Variants in TMEM51 observed in about 807,000 individuals in gnomAD.
TMEM51 encodes chromosome 1 open reading frame 72.
Under a neutral mutation model 13.6 loss-of-function variants are expected in TMEM51, and 8 were observed. That is an observed-to-expected ratio of 0.59 (90% confidence interval 0.35 to 1.07). The LOEUF (loss-of-function observed/expected upper bound fraction) is 1.07, where lower values mean the gene tolerates loss of function less well. Among genes scored for constraint, TMEM51 ranks in the 50% least tolerant of loss-of-function variants. TMEM51 has a pLI of 0.02. For missense variants in TMEM51, 279 were observed against 330.7 expected, an observed-to-expected ratio of 0.84 and a Z score of 1.21; for synonymous variants, 147 against 144.4, an observed-to-expected ratio of 1.02 and a Z score of -0.13.
chr1:15,159,445 C>T (rs1159838118), intron 1 of TMEM51, among the ~76,000 whole-genome samples: 1 of 152,250 alleles, frequency 6.6e-6, no homozygotes, highest in Non-Finnish European at 1.5e-5. Flanking sequence ...AAGCCTGTCG[C>T]TCTCGTGCCA....
chr1:15,181,527 C>T (rs998547723), intron 1 of TMEM51, among the ~76,000 whole-genome samples: 40 of 152,202 alleles, frequency 2.6e-4, no homozygotes, highest in Non-Finnish European at 5.4e-4. Flanking sequence ...TCCCAGGCTT[C>T]GGTTCCTAAC....
At chr1:15,199,492 C>T (rs1362021355) in intron 1 of TMEM51, among the ~76,000 whole-genome samples, 1 of 152,146 alleles carries the variant, frequency 6.6e-6, no homozygotes, top group Admixed American at 6.5e-5. Flanking sequence ...GGGCTAGCCA[C>T]GGGTTGGGGG....
At chr1:15,164,373 G>C (rs1642909842) in intron 1 of TMEM51, 1 of 455,976 alleles carries the variant, frequency 2.2e-6, no homozygotes, top group African/African-American at 2.0e-5. Flanking sequence ...GAAGAGTACT[G>C]GTTAGTGTTT....
At chr1:15,183,345 G>A (rs1412907420) in intron 1 of TMEM51, among the ~76,000 whole-genome samples, 1 of 152,174 alleles carries the variant, frequency 6.6e-6, no homozygotes, top group East Asian at 1.9e-4. Context: ...GCAGTATCGT[G>A]CAGAGGTAAA....
chr1:15,215,244 G>C lies in TMEM51; in HGVS notation c.157G>C (p.Val53Leu). ...AGCTCAGGGCAGCAACAAGACCGAG[G>C]TGGGTGGCGGCATCCTCAAGAGCAA... is the stretch of plus-strand genomic sequence containing the variant. ...PTAQGSNKTE[V>L]GGGILKSKTF... The change falls in exon 3 of 4, where the codon GTG becomes CTG. Residue 53 changes from valine (V) to leucine (L), a missense_variant. Coordinates refer to ENST00000376008, the MANE Select transcript of TMEM51 (RefSeq NM_001136218.2). 1 of 1,614,256 alleles carries C rather than the reference G, an allele frequency of 6.2e-7. No individual in the cohort carries two copies. The highest frequency in any genetic ancestry group is 1.1e-5 in the South Asian group (1 of 91,090).
At chr1:15,174,037 C>T (rs1443164388) in intron 1 of TMEM51, among the ~76,000 whole-genome samples, 1 of 152,172 alleles carries the variant, frequency 6.6e-6, no homozygotes, top group Non-Finnish European at 1.5e-5. Flanking sequence ...ATTTCCACAG[C>T]AAGCGAAAGC....
At chr1:15,199,926 G>A (rs1241494310) in intron 1 of TMEM51, among the ~76,000 whole-genome samples, 1 of 152,142 alleles carries the variant, frequency 6.6e-6, no homozygotes, top group East Asian at 1.9e-4. Flanking sequence ...GAGATGATGT[G>A]TGAAACATAT....
At chr1:15,199,864 CTG>C (rs1644120314) in intron 1 of TMEM51, among the ~76,000 whole-genome samples, 1 of 152,116 alleles carries the variant, frequency 6.6e-6, no homozygotes, top group Non-Finnish European at 1.5e-5. Flanking sequence ...CTGTTGTGCC[CTG>C]ACTTCTCTGC....
intron 1 of TMEM51, among the ~76,000 whole-genome samples, chr1:15,188,887 G>T (rs1163413355): frequency 1.3e-5 from 2 of 152,182 alleles, no homozygotes; most frequent in African/African-American, 2.4e-5. Context: ...TTACAAAGAT[G>T]ATGTTTGTTG....
At chr1:15,154,070 C>T (rs1642496434) in intron 1 of TMEM51, 116 bp downstream of exon 1, 1 of 152,172 alleles carries the variant, frequency 6.6e-6, no homozygotes, top group Admixed American at 6.5e-5. Flanking sequence ...GTCCGTCTGT[C>T]CGCCGAGCGC....
At chr1:15,180,037 A>G (rs139473290) in intron 1 of TMEM51, among the ~76,000 whole-genome samples, 2 of 152,312 alleles carry the variant, frequency 1.3e-5, no homozygotes, top group East Asian at 3.9e-4. Flanking sequence ...TAAAGGGCAG[A>G]TGCCTCCGCC....
intron 2 of TMEM51, among the ~76,000 whole-genome samples, chr1:15,212,448 G>A (rs1644356095): frequency 6.6e-6 from 1 of 151,642 alleles, no homozygotes; most frequent in Non-Finnish European, 1.5e-5. Context: ...GGTTAAAGCG[G>A]CTCAAATCAC....
At chr1:15,162,464 G>A (rs1313597708) in intron 1 of TMEM51, among the ~76,000 whole-genome samples, 1 of 151,934 alleles carries the variant, frequency 6.6e-6, no homozygotes, top group African/African-American at 2.4e-5. Flanking sequence ...ATCCAGCCTG[G>A]GGATCAAATT....
At chr1:15,178,449 G>T (rs1477313006) in intron 1 of TMEM51, among the ~76,000 whole-genome samples, 1 of 152,146 alleles carries the variant, frequency 6.6e-6, no homozygotes, top group Non-Finnish European at 1.5e-5. Context: ...GCCTTACCTC[G>T]CATTCTGATT....
rs780018647 is a variant in TMEM51 at position 15,219,658 on chromosome 1, C to T, written c.677C>T (p.Pro226Leu). ...FRINLPDKNVPPPSIEPLTPP... is the reference protein window; with the variant it reads ...FRINLPDKNVLPPSIEPLTPP... ...ATCAACCTCCCAGACAAAAACGTCC[C>T]TCCTCCCTCGATAGAGCCTTTGACT... Residue 226 changes from proline (P) to leucine (L), a missense_variant, in exon 4 of 4, where the codon CCT becomes CTT. By Grantham distance (98) the Pro-to-Leu change is moderately conservative. Coordinates refer to ENST00000376008, the MANE Select transcript of TMEM51 (RefSeq NM_001136218.2). 4.6e-5 allele frequency: 74 copies of T among 1,613,886 alleles called. No homozygotes were observed. Among genetic ancestry groups the T allele is most frequent in the Non-Finnish European group, 6.2e-5 (73 of 1,180,046 alleles).
chr1:15,194,940 TGAGACAGGGTC>T (rs1189883871), intron 1 of TMEM51, among the ~76,000 whole-genome samples: 1 of 80,710 alleles, frequency 1.2e-5, no homozygotes, highest in African/African-American at 4.4e-5. Context: ...TTTTTTTTTT[TGAGACAGGGTC>T]TTGCTGTGTG....
intron 1 of TMEM51, among the ~76,000 whole-genome samples, chr1:15,204,444 G>C (rs1157012073): frequency 6.6e-6 from 1 of 152,200 alleles, no homozygotes; most frequent in Non-Finnish European, 1.5e-5. Context: ...ATCCCAGCTA[G>C]TTGGGAGGCT....
chr1:15,212,813 A>C (rs1644363363), intron 2 of TMEM51, among the ~76,000 whole-genome samples: 1 of 152,238 alleles, frequency 6.6e-6, no homozygotes, highest in African/African-American at 2.4e-5. Context: ...TATTCCATAC[A>C]TATGCATGCA....
At chr1:15,213,402 C>G (rs114984343) in intron 2 of TMEM51, among the ~76,000 whole-genome samples, 2 of 152,168 alleles carry the variant, frequency 1.3e-5, no homozygotes, top group African/African-American at 4.8e-5. Context: ...GTCATCCTTT[C>G]GGAGAGACTG....
Sources: allele counts gnomAD v4.1 joint callset (sites outside exome capture counted in the v4.1 genomes callset), GRCh38; gene constraint gnomAD v4.1.1; transcripts MANE v1.5; gene names NCBI Gene and HGNC (gene_info 2026-07-23, HGNC 2026-07-21).